The following GABBR2 variants were observed in gnomAD, a reference collection of about 807,000 sequenced individuals.
GABBR2 encodes G-protein coupled receptor 51.
A neutral mutation model predicts 105.6 loss-of-function variants in GABBR2; 23 were observed. The observed-to-expected ratio is 0.22, with a 90% CI of 0.16 to 0.31. The LOEUF is 0.31. GABBR2 is among the 10% of genes least tolerant of loss of function. The probability of loss-of-function intolerance (pLI) is 1.00; values close to 1 mark genes in which losing one functional copy is unlikely to be tolerated. For synonymous variants in GABBR2, 478 were observed against 499.7 expected (o/e 0.96, Z 0.58); for missense variants, 734 against 1,245.5 (o/e 0.59, Z 6.18).
chr9:98,477,085 T>C (rs551206475), intron 5 of GABBR2, among the ~76,000 whole-genome samples: 34 of 152,294 alleles, frequency 2.2e-4, no homozygotes, highest in African/African-American at 7.2e-4. Flanking sequence ...CTCTGTCTCC[T>C]CTGCCAGTTG....
intron 4 of GABBR2, among the ~76,000 whole-genome samples, chr9:98,486,568 A>G (rs1827055462): frequency 6.6e-6 from 1 of 152,136 alleles, no homozygotes; most frequent in South Asian, 2.1e-4. Flanking sequence ...CCACCCATGC[A>G]TCTGTCTAGG....
At chr9:98,513,499 C>A (rs1456567756) in intron 3 of GABBR2, among the ~76,000 whole-genome samples, 1 of 151,802 alleles carries the variant, frequency 6.6e-6, no homozygotes, top group Non-Finnish European at 1.5e-5. Flanking sequence ...ATTTTTGCAA[C>A]CTACTCATCT....
chr9:98,425,864 G>T (rs1825676834), intron 7 of GABBR2, among the ~76,000 whole-genome samples: 1 of 152,204 alleles, frequency 6.6e-6, no homozygotes, highest in South Asian at 2.1e-4. Flanking sequence ...GGCCTCCTCT[G>T]GCTTAGCTTA....
intron 11 of GABBR2, among the ~76,000 whole-genome samples, chr9:98,383,176 G>A (rs1428807964): frequency 6.6e-6 from 1 of 152,070 alleles, no homozygotes; most frequent in Non-Finnish European, 1.5e-5. Context: ...CCTGACCTCG[G>A]GTGATCTGCC....
At chr9:98,509,929 G>C (rs1827600857) in intron 3 of GABBR2, among the ~76,000 whole-genome samples, 1 of 152,132 alleles carries the variant, frequency 6.6e-6, no homozygotes, top group Non-Finnish European at 1.5e-5. Flanking sequence ...ATGCCACAAA[G>C]ATACTCCTCG....
chr9:98,513,233 T>C (rs1290192979), intron 3 of GABBR2, among the ~76,000 whole-genome samples: 1 of 151,116 alleles, frequency 6.6e-6, no homozygotes, highest in Non-Finnish European at 1.5e-5. Flanking sequence ...ATCCCTTCCT[T>C]ACACCTTATA....
chr9:98,558,925 T>C (rs1383070641), intron 2 of GABBR2, among the ~76,000 whole-genome samples: 1 of 152,208 alleles, frequency 6.6e-6, no homozygotes, highest in Non-Finnish European at 1.5e-5. Context: ...AAAACAAGCA[T>C]CATGCTTTAT....
At chr9:98,703,561 C>G (rs1245968359) in intron 1 of GABBR2, among the ~76,000 whole-genome samples, 1 of 152,144 alleles carries the variant, frequency 6.6e-6, no homozygotes, top group East Asian at 1.9e-4. Flanking sequence ...AGCACAATCA[C>G]AGCTTACTGT....
chr9:98,488,567 G>A (rs1477909029), intron 4 of GABBR2, among the ~76,000 whole-genome samples: 1 of 151,928 alleles, frequency 6.6e-6, no homozygotes, highest in East Asian at 1.9e-4. Flanking sequence ...CCCAAATATT[G>A]CATCAATATA....
chr9:98,492,806 A>G (rs140087475), intron 4 of GABBR2, among the ~76,000 whole-genome samples: 2 of 152,304 alleles, frequency 1.3e-5, no homozygotes, highest in East Asian at 3.9e-4. Flanking sequence ...AGTTATTCCC[A>G]TCATATCATG....
chr9:98,695,069 A>G (rs776969444), intron 1 of GABBR2, among the ~76,000 whole-genome samples: 3 of 152,240 alleles, frequency 2.0e-5, no homozygotes, highest in Non-Finnish European at 2.9e-5. Flanking sequence ...ATGCCTGATA[A>G]CATCTTCTCT....
chr9:98,575,991 C>T (rs115057302), intron 2 of GABBR2, among the ~76,000 whole-genome samples: 2,939 of 152,280 alleles, frequency 0.019, 97 homozygotes, highest in African/African-American at 0.067. Flanking sequence ...CAGCTTCATG[C>T]ACCTACCATA....
intron 1 of GABBR2, among the ~76,000 whole-genome samples, chr9:98,609,210 C>T (rs1829471220): frequency 6.6e-6 from 1 of 152,162 alleles, no homozygotes; most frequent in African/African-American, 2.4e-5. Context: ...TCTTATAAAA[C>T]CATTGTTCCA....
chr9:98,546,919 T>G (rs1471768887), intron 2 of GABBR2, among the ~76,000 whole-genome samples: 1 of 120,748 alleles, frequency 8.3e-6, no homozygotes, highest in Non-Finnish European at 1.9e-5. Flanking sequence ...ATAGGTACCT[T>G]GAGAAGGATA....
At chr9:98,347,223 G>T (rs1042176132) in intron 13 of GABBR2, among the ~76,000 whole-genome samples, 1 of 151,988 alleles carries the variant, frequency 6.6e-6, no homozygotes, top group African/African-American at 2.4e-5. Flanking sequence ...TCTTTTTTCT[G>T]CATCCTTGCC....
chr9:98,634,330 C>T (rs964759221), intron 1 of GABBR2, among the ~76,000 whole-genome samples: 2 of 152,206 alleles, frequency 1.3e-5, no homozygotes, highest in African/African-American at 4.8e-5. Context: ...CCGTGAAATT[C>T]ACGTCCACCT....
intron 13 of GABBR2, among the ~76,000 whole-genome samples, chr9:98,321,080 C>T (rs916477212): frequency 6.6e-6 from 1 of 152,062 alleles, no homozygotes. Context: ...CTGGAGCCTA[C>T]AGGAAAGGCC....
intron 3 of GABBR2, among the ~76,000 whole-genome samples, chr9:98,520,161 G>A (rs1827838749): frequency 6.6e-6 from 1 of 152,206 alleles, no homozygotes; most frequent in Admixed American, 6.5e-5. Flanking sequence ...GTCTACCATG[G>A]CTAAGGTTCA....
chr9:98,413,477 A>C (rs1177419655), intron 7 of GABBR2, among the ~76,000 whole-genome samples: 2 of 152,056 alleles, frequency 1.3e-5, no homozygotes, highest in African/African-American at 4.8e-5. Flanking sequence ...TGTCCCCTTG[A>C]GCTATAGAAG....
Sources: allele counts gnomAD v4.1 joint callset (sites outside exome capture counted in the v4.1 genomes callset), GRCh38; gene constraint gnomAD v4.1.1; transcripts MANE v1.5; gene names NCBI Gene and HGNC (gene_info 2026-07-23, HGNC 2026-07-21).